Variants in APBB1IP observed in about 807,000 individuals in gnomAD.
APBB1IP encodes amyloid beta precursor protein binding family B member 1 interacting protein, also known as amyloid beta A4 precursor protein-binding family B member 1-interacting protein.
A neutral mutation model predicts 64.9 loss-of-function variants in APBB1IP; 27 were observed. That is an observed-to-expected ratio of 0.42 (90% CI 0.31 to 0.57). APBB1IP has a LOEUF of 0.57. Among genes scored for constraint, APBB1IP ranks in the 20% least tolerant of loss-of-function variants. The pLI, the probability that APBB1IP is intolerant of heterozygous loss-of-function variation, is 0.20. For synonymous variants in APBB1IP, 392 were observed against 331.0 expected, an observed-to-expected ratio of 1.18 and a Z score of -2.00; for missense variants, 812 against 845.5, an observed-to-expected ratio of 0.96 and a Z score of 0.49.
intron 2 of APBB1IP, among the ~76,000 whole-genome samples, chr10:26,468,779 C>G (rs2132412233): frequency 1.3e-5 from 2 of 152,332 alleles, no homozygotes; most frequent in East Asian, 3.9e-4. Context: ...TGTTCCTGCT[C>G]CTGTTCACAG....
chr10:26,558,854 C>A (rs1836930497), intron 11 of APBB1IP, among the ~76,000 whole-genome samples: 2 of 152,186 alleles, frequency 1.3e-5, no homozygotes, highest in Non-Finnish European at 2.9e-5. Context: ...CTCTTTCACA[C>A]CTGCCCATTT....
chr10:26,504,273 C>A (rs1836144090), intron 6 of APBB1IP, among the ~76,000 whole-genome samples: 1 of 152,180 alleles, frequency 6.6e-6, no homozygotes, highest in Non-Finnish European at 1.5e-5. Flanking sequence ...CTGCCCTTAA[C>A]CCAACTTTCC....
chr10:26,480,210 T>G (rs1057198637), intron 2 of APBB1IP, among the ~76,000 whole-genome samples: 4 of 152,170 alleles, frequency 2.6e-5, no homozygotes, highest in African/African-American at 9.7e-5. Context: ...GGGCTTTTGC[T>G]GGACTCCAAG....
At chr10:26,515,565 T>C (rs144128930) in intron 8 of APBB1IP, among the ~76,000 whole-genome samples, 1 of 152,338 alleles carries the variant, frequency 6.6e-6, no homozygotes, top group African/African-American at 2.4e-5. Context: ...GGGAGTTACA[T>C]TCAGGGCCAC....
intron 8 of APBB1IP, among the ~76,000 whole-genome samples, chr10:26,529,166 A>G (rs1836516693): frequency 2.0e-5 from 3 of 152,182 alleles, no homozygotes; most frequent in Admixed American, 6.5e-5. Flanking sequence ...AAGTTCCTTT[A>G]TTATTCGACT....
At chr10:26,528,284 A>G (rs1836504016) in intron 8 of APBB1IP, among the ~76,000 whole-genome samples, 1 of 152,164 alleles carries the variant, frequency 6.6e-6, no homozygotes, top group Non-Finnish European at 1.5e-5. Flanking sequence ...CACTCAGTGA[A>G]CTGCATTAAC....
intron 2 of APBB1IP, among the ~76,000 whole-genome samples, chr10:26,460,418 A>G (rs1835575816): frequency 6.6e-6 from 1 of 152,180 alleles, no homozygotes; most frequent in South Asian, 2.1e-4. Flanking sequence ...TAAAGCCACA[A>G]TAGGATGGAG....
At chr10:26,462,127 G>C (rs894354225) in intron 2 of APBB1IP, among the ~76,000 whole-genome samples, 2 of 152,194 alleles carry the variant, frequency 1.3e-5, no homozygotes, top group African/African-American at 4.8e-5. Context: ...CAGCAGACTT[G>C]TGTGGTTCTG....
chr10:26,507,235 C>G (rs928755709), intron 6 of APBB1IP, among the ~76,000 whole-genome samples: 1 of 152,022 alleles, frequency 6.6e-6, no homozygotes, highest in Admixed American at 6.5e-5. Flanking sequence ...GCTCACACCT[C>G]TAATCTCAGC....
chr10:26,449,596 T>C (rs919898637), intron 2 of APBB1IP, among the ~76,000 whole-genome samples: 1 of 152,200 alleles, frequency 6.6e-6, no homozygotes, highest in Non-Finnish European at 1.5e-5. Context: ...GTATTGGCAT[T>C]TGTTTCAAGG....
intron 2 of APBB1IP, among the ~76,000 whole-genome samples, chr10:26,465,122 T>A (rs1038961877): frequency 2.0e-5 from 3 of 152,202 alleles, no homozygotes; most frequent in Non-Finnish European, 2.9e-5. Flanking sequence ...GTGATTCCCA[T>A]GTAGACTGTG....
intron 11 of APBB1IP, among the ~76,000 whole-genome samples, chr10:26,544,356 A>G (rs767164360): frequency 1.1e-4 from 17 of 152,102 alleles, no homozygotes; most frequent in Non-Finnish European, 2.4e-4. Flanking sequence ...GTCACTGGAG[A>G]CTCTTTACAA....
chr10:26,465,683 C>T (rs1031769170), intron 2 of APBB1IP, among the ~76,000 whole-genome samples: 10 of 152,100 alleles, frequency 6.6e-5, no homozygotes, highest in African/African-American at 2.4e-4. Context: ...ACATTTTGGG[C>T]ATGTTTAAGC....
chr10:26,476,017 C>A (rs1257182124), intron 2 of APBB1IP, among the ~76,000 whole-genome samples: 1 of 151,704 alleles, frequency 6.6e-6, no homozygotes, highest in African/African-American at 2.4e-5. Context: ...CGCTTGAGGC[C>A]AAGAGTTCAA....
chr10:26,481,608 C>CTGAG (rs1193702282), intron 2 of APBB1IP, among the ~76,000 whole-genome samples: 1 of 152,098 alleles, frequency 6.6e-6, no homozygotes, highest in African/African-American at 2.4e-5. Context: ...CCTCAGCCTC[C>CTGAG]TGAGTAGCTG....
At chr10:26,470,481 G>A in intron 2 of APBB1IP, among the ~76,000 whole-genome samples, 1 of 152,218 alleles carries the variant, frequency 6.6e-6, no homozygotes, top group Admixed American at 6.5e-5. Context: ...AGAGGTTGCA[G>A]TGAGCCAAGA....
intron 13 of APBB1IP, among the ~76,000 whole-genome samples, chr10:26,561,064 C>CTTTTTTTTTTT (rs764573338): frequency 8.8e-4 from 61 of 69,216 alleles, no homozygotes; most frequent in African/African-American, 1.5e-3. Flanking sequence ...TTCTTTCTTT[C>CTTTTTTTTTTT]TTTTTTTTTT....
At chr10:26,514,148 G>A (rs529986544) in intron 8 of APBB1IP, among the ~76,000 whole-genome samples, 10 of 152,000 alleles carry the variant, frequency 6.6e-5, no homozygotes, top group African/African-American at 1.7e-4. Flanking sequence ...CTATATGTAC[G>A]CTAACAGTCC....
chr10:26,523,368 C>T (rs1185743341), intron 8 of APBB1IP, among the ~76,000 whole-genome samples: 1 of 152,202 alleles, frequency 6.6e-6, no homozygotes, highest in Non-Finnish European at 1.5e-5. Flanking sequence ...GAATTAGAAT[C>T]CACATGACTT....
Sources: allele counts gnomAD v4.1 joint callset (sites outside exome capture counted in the v4.1 genomes callset), GRCh38; gene constraint gnomAD v4.1.1; transcripts MANE v1.5; gene names NCBI Gene and HGNC (gene_info 2026-07-23, HGNC 2026-07-21).